Variants in ZNF37A observed in about 807,000 individuals in gnomAD.
ZNF37A encodes the protein zinc finger protein 37a (KOX 21).
Under a neutral mutation model 12.3 loss-of-function variants are expected in ZNF37A, and 10 were observed. That is an observed-to-expected ratio of 0.82 (90% CI 0.50 to 1.38). ZNF37A has a LOEUF of 1.38. Ranked by LOEUF, ZNF37A falls within the 40% of genes most tolerant of loss-of-function variation. The pLI is 0.00. For synonymous variants in ZNF37A, 207 were observed against 223.0 expected, an observed-to-expected ratio of 0.93 and a Z score of 0.64; for missense variants, 580 against 651.2, an observed-to-expected ratio of 0.89 and a Z score of 1.19.
intron 5 of ZNF37A, among the ~76,000 whole-genome samples, chr10:38,100,728 T>G (rs1334513280): frequency 6.6e-6 from 1 of 152,138 alleles, no homozygotes; most frequent in Non-Finnish European, 1.5e-5. Flanking sequence ...TATCACATGG[T>G]CCTCAGGTGA....
intron 5 of ZNF37A, among the ~76,000 whole-genome samples, chr10:38,109,101 C>T (rs2505186): frequency 0.41 from 62,584 of 152,018 alleles, 13,083 homozygotes; most frequent in East Asian, 0.5. Context: ...ACTGGCAAAC[C>T]GAATCCAGCA....
At chr10:38,133,621 C>A (rs550790470) in intron 7 of ZNF37A, among the ~76,000 whole-genome samples, 1 of 152,220 alleles carries the variant, frequency 6.6e-6, no homozygotes, top group East Asian at 1.9e-4. Context: ...CACTTTCATC[C>A]ATGTCCCTAC....
At chr10:38,129,307 A>AAAAAAAAAAAAAAAAAAAAAAAAAAAAC, downstream of ZNF37A, among the ~76,000 whole-genome samples, 1 of 145,216 alleles carries the variant, frequency 6.9e-6, no homozygotes, top group African/African-American at 2.6e-5. Context: ...CTCTGTCTAA[A>AAAAAAAAAAAAAAAAAAAAAAAAAAAAC]AAAAAAAAAA....
In ZNF37A at chr10:38,118,611, G is replaced by T. The variant is rs1372271293; in HGVS notation, c.1460G>T (p.Arg487Ile). ...RQKSALIVHQ[R>I]THIRQKPYGC... is the part of the protein sequence containing the mutation. ...AAGTCAGCCCTAATTGTTCACCAGAGAACTCATATAAGACAGAAACCCTAT... is the reference window on the plus strand; with the variant it reads ...AAGTCAGCCCTAATTGTTCACCAGATAACTCATATAAGACAGAAACCCTAT... Residue 487 changes from arginine to isoleucine, a missense_variant, in exon 8 of 8, where the codon AGA becomes ATA. Coordinates refer to ENST00000685332, the MANE Select transcript of ZNF37A (RefSeq NM_001324250.3). 5.6e-6 allele frequency: 9 copies of T among 1,605,780 alleles called. No homozygotes were observed. The highest frequency in any genetic ancestry group is 2.3e-5 in the East Asian group (1 of 44,114).
At chr10:38,133,393 G>T (rs2070060317) in intron 7 of ZNF37A, among the ~76,000 whole-genome samples, 1 of 151,952 alleles carries the variant, frequency 6.6e-6, no homozygotes, top group Non-Finnish European at 1.5e-5. Context: ...GTATACATGT[G>T]CCATGTTGGT....
At chr10:38,125,567 AT>A (rs2069912905), downstream of ZNF37A, 1 of 152,216 alleles carries the variant, frequency 6.6e-6, no homozygotes, top group Non-Finnish European at 1.5e-5. Flanking sequence ...ATGGGTCATA[AT>A]TTTCCACAGA....
At chr10:38,106,904 A>C (rs917620897) in intron 5 of ZNF37A, among the ~76,000 whole-genome samples, 1 of 152,152 alleles carries the variant, frequency 6.6e-6, no homozygotes, top group Non-Finnish European at 1.5e-5. Context: ...AGTGACGGGG[A>C]CAATGGAACC....
intron 7 of ZNF37A, chr10:38,140,073 A>C (rs957645533): frequency 2.6e-5 from 4 of 152,216 alleles, no homozygotes; most frequent in African/African-American, 9.6e-5. Context: ...CCTTGATAAA[A>C]GAACTTACAT....
At chr10:38,126,203 G>A (rs2505179), downstream of ZNF37A, among the ~76,000 whole-genome samples, 73,445 of 152,038 alleles carry the variant, frequency 0.48, 17,910 homozygotes, top group East Asian at 0.54. Context: ...TAAACCAATC[G>A]TTAGGACTCT....
At chr10:38,100,904 A>T (rs2067512375) in intron 5 of ZNF37A, among the ~76,000 whole-genome samples, 1 of 152,114 alleles carries the variant, frequency 6.6e-6, no homozygotes, top group African/African-American at 2.4e-5. Flanking sequence ...TAATTTGGGG[A>T]ACTAATAAAT....
chr10:38,117,753 A>C lies in ZNF37A; in HGVS notation c.602A>C (p.Tyr201Ser). ...HQQTHPRENHYGNECGENIFE... is the reference protein window; with the variant it reads ...HQQTHPRENHSGNECGENIFE... ...CAAACACATCCAAGAGAAAACCACT[A>C]TGGTAATGAATGTGGAGAAAATATC... Residue 201 changes from tyrosine to serine, a missense_variant, in exon 8 of 8, where the codon TAT (tyrosine) becomes TCT (serine). Physicochemically the swap from Tyr to Ser is moderately radical, Grantham distance 144. Coordinates refer to ENST00000685332, the MANE Select transcript of ZNF37A (RefSeq NM_001324250.3). 1 of 1,614,002 alleles carries C rather than the reference A, an allele frequency of 6.2e-7. No homozygotes were observed. The highest frequency in any genetic ancestry group is 1.1e-5 in the South Asian group (1 of 91,076).
rs568408202 is a variant in ZNF37A, at chr10:38,134,806, T to G, written c.239-11926T>G. 9.2e-5 allele frequency among the ~76,000 whole-genome samples: 14 copies of G among 152,340 alleles called. No homozygotes were observed. In the South Asian group the frequency reaches 2.9e-3, roughly 32 times the overall value. On this transcript the variant is annotated intron_variant, in intron 7 of 7. Coordinates refer to the ZNF37A transcript ENST00000638053. ...TCAAACTCTGTGCTGGGAGGACCACTACTGTCTTCGAAGCTGTCAGACAGG... is the reference window on the plus strand; with the variant it reads ...TCAAACTCTGTGCTGGGAGGACCACGACTGTCTTCGAAGCTGTCAGACAGG...
chr10:38,126,802 T>C (rs1365167100), downstream of ZNF37A, among the ~76,000 whole-genome samples: 1 of 152,070 alleles, frequency 6.6e-6, no homozygotes, highest in African/African-American at 2.4e-5. Flanking sequence ...AAGCCAACTA[T>C]AGCCATAACT....
At position 38,124,412 on chromosome 10, in the gene ZNF37A, G is replaced by T. The variant is rs2069881913; in HGVS notation, c.*5575G>T. 1 of 152,096 alleles carries T rather than the reference G, an allele frequency of 6.6e-6. No individual in the cohort carries two copies. Among genetic ancestry groups the T allele is most frequent in the Non-Finnish European group, 1.5e-5 (1 of 68,020 alleles). The allele number at this position is 152,096 out of a possible 1,614,324, so 9.4% of individuals were successfully genotyped here. ...AAGACCTAGTATTTGATAGCACAAG[G>T]TTACTACAGTCAATAATAATTGTGC... On this transcript the variant is annotated 3_prime_UTR_variant, in exon 8 of 8. Transcript: ENST00000685332.
intron 7 of ZNF37A, chr10:38,141,716 TA>T (rs1391000558): frequency 1.3e-5 from 2 of 152,212 alleles, no homozygotes; most frequent in Admixed American, 1.3e-4. Flanking sequence ...ATGTTAACCT[TA>T]GGGGAAGTTA....
chr10:38,117,687 A>G lies in ZNF37A; in HGVS notation c.536A>G (p.His179Arg), dbSNP rs1336266639. 7 of 1,613,868 alleles carry G rather than the reference A, an allele frequency of 4.3e-6. No homozygotes were observed. In the East Asian group the frequency reaches 6.7e-5, roughly 15 times the overall value. Residue 179 changes from histidine to arginine, a missense_variant, in exon 8 of 8, where the codon CAT becomes CGT. Physicochemically the swap from His to Arg is conservative, Grantham distance 29 (BLOSUM62 0). Coordinates refer to ENST00000685332, the MANE Select transcript of ZNF37A (RefSeq NM_001324250.3). The part of the protein sequence containing the change: ...TGQKTCKYTE[H>R]GKTCDMSFFI... ...CAGAAAACCTGCAAATATACTGAAC[A>G]TGGGAAAACCTGTGATATGTCATTT...
chr10:38,127,806 A>C (rs2069950296), downstream of ZNF37A, among the ~76,000 whole-genome samples: 1 of 152,190 alleles, frequency 6.6e-6, no homozygotes, highest in Non-Finnish European at 1.5e-5. Flanking sequence ...AGTATAACAA[A>C]CTCAATATAA....
At chr10:38,103,298 T>G (rs2067749154) in intron 5 of ZNF37A, among the ~76,000 whole-genome samples, 1 of 152,200 alleles carries the variant, frequency 6.6e-6, no homozygotes, top group Admixed American at 6.6e-5. Flanking sequence ...CTTTGTTCTC[T>G]TTGAGCTCCA....
intron 5 of ZNF37A, among the ~76,000 whole-genome samples, chr10:38,100,592 G>T (rs1318884260): frequency 1.3e-5 from 2 of 152,222 alleles, no homozygotes; most frequent in Admixed American, 1.3e-4. Context: ...CTCACTGGCA[G>T]TCAGAGTTTA....
Sources: allele counts gnomAD v4.1 joint callset (sites outside exome capture counted in the v4.1 genomes callset), GRCh38; gene constraint gnomAD v4.1.1; transcripts MANE v1.5; gene names NCBI Gene and HGNC (gene_info 2026-07-23, HGNC 2026-07-21).